The following CACNA2D1 variants were observed in gnomAD, a reference collection of about 807,000 sequenced individuals.
CACNA2D1 encodes voltage-dependent calcium channel subunit alpha-2/delta-1.
CACNA2D1 carries 53 observed loss-of-function variants against 171.5 expected under a neutral mutation model. The observed-to-expected ratio is 0.31, with a 90% CI of 0.25 to 0.39. The LOEUF is 0.39. Ranked by LOEUF, CACNA2D1 falls within the 10% of genes least tolerant of loss-of-function variation. CACNA2D1 has a pLI of 1.00. For missense variants in CACNA2D1, 903 were observed against 1,299.8 expected (o/e 0.69, Z 4.69); for synonymous variants, 442 against 443.1 (o/e 1.00, Z 0.03).
chr7:82,406,377 G>A (rs1173026728), intron 1 of CACNA2D1, among the ~76,000 whole-genome samples: 1 of 152,160 alleles, frequency 6.6e-6, no homozygotes, highest in Non-Finnish European at 1.5e-5. Flanking sequence ...CTTTATAGCA[G>A]CATGATTTAT....
chr7:82,232,033 T>A (rs1802996958), intron 3 of CACNA2D1, among the ~76,000 whole-genome samples: 2 of 152,198 alleles, frequency 1.3e-5, no homozygotes, highest in African/African-American at 4.8e-5. Context: ...CACAGAAAGA[T>A]TTTTACTATT....
intron 3 of CACNA2D1, among the ~76,000 whole-genome samples, chr7:82,274,315 C>T (rs929401945): frequency 1.3e-5 from 2 of 152,142 alleles, no homozygotes; most frequent in African/African-American, 2.4e-5. Context: ...CTTCTCAGTA[C>T]TTTTATACTA....
intron 1 of CACNA2D1, among the ~76,000 whole-genome samples, chr7:82,364,606 T>C (rs558612574): frequency 6.6e-6 from 1 of 152,310 alleles, no homozygotes; most frequent in East Asian, 1.9e-4. Context: ...TCTTTTATGT[T>C]AATGCCAGGG....
chr7:82,027,327 G>A (rs562851340), intron 12 of CACNA2D1, among the ~76,000 whole-genome samples: 10 of 151,632 alleles, frequency 6.6e-5, no homozygotes, highest in African/African-American at 2.4e-4. Flanking sequence ...ATTTAACATG[G>A]CCTTCTCACA....
At chr7:82,366,502 T>A (rs1821726589) in intron 1 of CACNA2D1, among the ~76,000 whole-genome samples, 1 of 152,192 alleles carries the variant, frequency 6.6e-6, no homozygotes. Context: ...CTGCATTAAT[T>A]CTCTTAGGAT....
intron 6 of CACNA2D1, among the ~76,000 whole-genome samples, chr7:82,086,176 C>T (rs1043358853): frequency 1.3e-5 from 2 of 152,002 alleles, no homozygotes; most frequent in Non-Finnish European, 2.9e-5. Flanking sequence ...GAAATGAATG[C>T]CATCATGGTT....
At chr7:82,419,938 G>A (rs1274409069) in intron 1 of CACNA2D1, among the ~76,000 whole-genome samples, 1 of 152,142 alleles carries the variant, frequency 6.6e-6, no homozygotes, top group African/African-American at 2.4e-5. Flanking sequence ...GACTTGAGGA[G>A]GGATTGCTTA....
At chr7:82,269,238 C>T (rs1387822851) in intron 3 of CACNA2D1, among the ~76,000 whole-genome samples, 1 of 152,144 alleles carries the variant, frequency 6.6e-6, no homozygotes, top group Admixed American at 6.5e-5. Context: ...ACCCCTCTGA[C>T]TCATACACCC....
intron 1 of CACNA2D1, among the ~76,000 whole-genome samples, chr7:82,428,437 G>A (rs1373027304): frequency 6.6e-6 from 1 of 152,064 alleles, no homozygotes; most frequent in East Asian, 1.9e-4. Context: ...TTTATGACTT[G>A]GACCTCCCTT....
intron 1 of CACNA2D1, among the ~76,000 whole-genome samples, chr7:82,413,642 CA>C (rs1157306598): frequency 5.9e-5 from 9 of 152,116 alleles, no homozygotes; most frequent in African/African-American, 2.2e-4. Flanking sequence ...TTTGTAAAGA[CA>C]AAGTAATTTA....
rs918149944 is a variant in CACNA2D1 at position 82,058,770 on chromosome 7, C to T, written c.879+1658G>A. On this transcript the variant is annotated intron_variant, in intron 10 of 38. Coordinates refer to ENST00000356860, the MANE Select transcript of CACNA2D1 (RefSeq NM_000722.4). The stretch of plus-strand genomic sequence containing the variant: ...CCCAGCTCCTCCTTCCTGTGCTGAA[C>T]ACATTCTTCTTGCCCACATGAAGGG... Among the ~76,000 whole-genome samples, 5 of 152,246 alleles carry T rather than the reference C, an allele frequency of 3.3e-5. No individual in the cohort carries two copies. The East Asian group carries it at 9.7e-4, about 30-fold the overall frequency.
chr7:82,341,122 C>T (rs1818578723), intron 2 of CACNA2D1, among the ~76,000 whole-genome samples: 1 of 151,856 alleles, frequency 6.6e-6, no homozygotes, highest in African/African-American at 2.4e-5. Flanking sequence ...ACTACTTGTT[C>T]CCTAGCAACT....
At chr7:82,122,258 T>C (rs1021001198) in intron 5 of CACNA2D1, among the ~76,000 whole-genome samples, 4 of 152,168 alleles carry the variant, frequency 2.6e-5, no homozygotes, top group South Asian at 2.1e-4. Flanking sequence ...TAAAATGCAA[T>C]ACTGATCCCT....
At chr7:82,230,021 T>C (rs538422262) in intron 3 of CACNA2D1, among the ~76,000 whole-genome samples, 1 of 152,358 alleles carries the variant, frequency 6.6e-6, no homozygotes, top group African/African-American at 2.4e-5. Context: ...AATTTAACTG[T>C]GAATGTTTAA....
At chr7:82,195,671 A>C (rs1387902877) in intron 3 of CACNA2D1, among the ~76,000 whole-genome samples, 1 of 149,308 alleles carries the variant, frequency 6.7e-6, no homozygotes, top group Non-Finnish European at 1.5e-5. Flanking sequence ...AAAAAAAAAA[A>C]AACCCTCTGG....
At chr7:81,967,524 G>T in intron 30 of CACNA2D1, 72 bp downstream of exon 30, 1 of 803,514 alleles carries the variant, frequency 1.2e-6, no homozygotes, top group South Asian at 1.5e-5. Context: ...ACTGTATAAG[G>T]ACCTTATATT....
intron 3 of CACNA2D1, among the ~76,000 whole-genome samples, chr7:82,280,591 G>A (rs1469913965): frequency 6.6e-6 from 1 of 152,074 alleles, no homozygotes; most frequent in Non-Finnish European, 1.5e-5. Context: ...ACCAATTTAG[G>A]ATCACAGATT....
At chr7:82,232,707 T>C (rs982574832) in intron 3 of CACNA2D1, among the ~76,000 whole-genome samples, 1 of 151,294 alleles carries the variant, frequency 6.6e-6, no homozygotes, top group Non-Finnish European at 1.5e-5. Context: ...CTACTAAAAA[T>C]ACAAAAATTA....
At chr7:82,304,514 T>C (rs1047595692) in intron 3 of CACNA2D1, among the ~76,000 whole-genome samples, 2 of 152,188 alleles carry the variant, frequency 1.3e-5, no homozygotes, top group Non-Finnish European at 2.9e-5. Flanking sequence ...TGGAATACTA[T>C]TGGGCCACAA....
Sources: gnomAD v4.1 joint callset for allele counts (sites outside exome capture counted in the v4.1 genomes callset) on GRCh38, gnomAD v4.1.1 for gene constraint, MANE v1.5 for transcripts, NCBI Gene and HGNC (gene_info 2026-07-23, HGNC 2026-07-21) for gene names.